Variants in NRXN3 observed in about 807,000 individuals in gnomAD.
The protein encoded by NRXN3 is neurexin 3.
NRXN3 carries 32 observed loss-of-function variants against 137.6 expected under a neutral mutation model. The ratio of observed to expected loss-of-function variants is 0.23; its 90% CI spans 0.18 to 0.31. NRXN3 has a LOEUF of 0.31. Among genes scored for constraint, NRXN3 ranks in the 10% least tolerant of loss-of-function variants. The pLI is 1.00. For missense variants in NRXN3, 1,574 were observed against 2,062.5 expected, an observed-to-expected ratio of 0.76 and a Z score of 4.59; for synonymous variants, 798 against 784.5, an observed-to-expected ratio of 1.02 and a Z score of -0.29.
At chr14:79,670,896 T>C (rs898240644) in intron 17 of NRXN3, among the ~76,000 whole-genome samples, 1 of 152,146 alleles carries the variant, frequency 6.6e-6, no homozygotes, top group Non-Finnish European at 1.5e-5. Flanking sequence ...AATAGGGGAC[T>C]AAGAGATTTT....
intron 6 of NRXN3, among the ~76,000 whole-genome samples, chr14:78,677,917 AT>A (rs200456057): frequency 4.6e-5 from 7 of 152,072 alleles, no homozygotes; most frequent in Admixed American, 6.6e-5. Context: ...GACTGTTAGC[AT>A]TTTTTTTAAC....
intron 10 of NRXN3, among the ~76,000 whole-genome samples, chr14:78,923,137 T>G (rs938662052): frequency 2.0e-5 from 3 of 152,194 alleles, no homozygotes; most frequent in Non-Finnish European, 4.4e-5. Context: ...CCTTTGGCCT[T>G]GAGTGCTGCC....
rs72347811 is a variant in NRXN3 at position 79,739,648 on chromosome 14, C to CAAAAAAAAAAAAAAAA, written c.4014+41725_4014+41740dup. ...TGGGTGACAGAACGAGACTCTGCCT[C>CAAAAAAAAAAAAAAAA]AAAAAAAAAAAAAAAAAAAAAAAAA... On this transcript the variant is annotated intron_variant, in intron 19 of 20. Transcript: ENST00000335750. Among the ~76,000 whole-genome samples the CAAAAAAAAAAAAAAAA allele has an allele frequency of 9.4e-5, 3 of 31,824 alleles. 1 individual carries two copies. The highest frequency in any genetic ancestry group is 1.6e-4 in the Non-Finnish European group (3 of 18,270). The allele number at this position is 31,824 out of a possible 152,430, so 20.9% of individuals were successfully genotyped here.
chr14:79,741,868 T>C (rs962375175), intron 19 of NRXN3, among the ~76,000 whole-genome samples: 1 of 152,108 alleles, frequency 6.6e-6, no homozygotes, highest in African/African-American at 2.4e-5. Context: ...TAGGTAAGTG[T>C]GCTTATATGT....
intron 20 of NRXN3, among the ~76,000 whole-genome samples, chr14:79,833,179 G>A (rs1230612967): frequency 1.3e-5 from 2 of 152,080 alleles, no homozygotes; most frequent in Non-Finnish European, 2.9e-5. Context: ...TGTACCTGAG[G>A]TTGGGTTCAT....
chr14:78,471,736 G>C (rs2095276747), intron 4 of NRXN3, among the ~76,000 whole-genome samples: 1 of 152,168 alleles, frequency 6.6e-6, no homozygotes, highest in Non-Finnish European at 1.5e-5. Context: ...AGGCATACTT[G>C]TATAATTCTG....
intron 4 of NRXN3, among the ~76,000 whole-genome samples, chr14:78,376,669 A>G (rs1224516838): frequency 6.6e-6 from 1 of 152,196 alleles, no homozygotes; most frequent in East Asian, 1.9e-4. Flanking sequence ...ACATCAATCT[A>G]CACAGGCAAA....
At chr14:78,265,684 G>C (rs2071572414) in intron 2 of NRXN3, among the ~76,000 whole-genome samples, 1 of 152,112 alleles carries the variant, frequency 6.6e-6, no homozygotes, top group African/African-American at 2.4e-5. Context: ...CCCCAGCAGA[G>C]GCACAGTGGG....
chr14:79,393,295 G>A (rs1489475754), intron 15 of NRXN3, among the ~76,000 whole-genome samples: 1 of 152,166 alleles, frequency 6.6e-6, no homozygotes, highest in Admixed American at 6.6e-5. Flanking sequence ...CAGAAATAAG[G>A]AGAAGGGCAA....
At chr14:78,228,087 A>AAATTTGG (rs1567019722) in intron 1 of NRXN3, among the ~76,000 whole-genome samples, 39 of 151,578 alleles carry the variant, frequency 2.6e-4, no homozygotes, top group African/African-American at 8.0e-4. Context: ...GAAGAATTTG[A>AAATTTGG]GACATTAATA....
chr14:78,195,215 AC>A (rs1365531845), intron 1 of NRXN3, among the ~76,000 whole-genome samples: 1 of 152,208 alleles, frequency 6.6e-6, no homozygotes, highest in Non-Finnish European at 1.5e-5. Context: ...GCCAGTATGA[AC>A]CAGGCACTGT....
chr14:78,444,544 A>G (rs1416417790), intron 4 of NRXN3, among the ~76,000 whole-genome samples: 1 of 152,186 alleles, frequency 6.6e-6, no homozygotes, highest in African/African-American at 2.4e-5. Context: ...GTTAAGATGG[A>G]ACCTGACTGG....
intron 15 of NRXN3, among the ~76,000 whole-genome samples, chr14:79,019,953 G>T (rs1594986330): frequency 6.6e-6 from 1 of 152,132 alleles, no homozygotes; most frequent in East Asian, 1.9e-4. Context: ...GAGAAAAAAA[G>T]AAAAGTTAAA....
Position 78,967,186 on chromosome 14 carries a change from T to C in NRXN3, c.2778-22T>C, listed in dbSNP as rs201109325. Reference sequence around the variant, plus strand: ...ACTTCGGGGATTTTCCAATTATTGTTTTTTTTTTTTTTTCTTCCTAGGTAT... The same window carrying C: ...ACTTCGGGGATTTTCCAATTATTGTCTTTTTTTTTTTTTCTTCCTAGGTAT... On this transcript the variant is annotated intron_variant, in intron 12 of 20. Transcript: ENST00000335750. The C allele has an allele frequency of 2.8e-3, 2,615 of 941,966 alleles. 3 individuals are homozygous for C. Among genetic ancestry groups the C allele is most frequent in the Admixed American group, 3.4e-3 (106 of 30,998 alleles). 58.4% of individuals were successfully genotyped at this position (941,966 alleles called of 1,614,324 possible). A position where few individuals can be genotyped will look rare whatever the true frequency, so the allele number is the denominator to read the frequency against.
intron 4 of NRXN3, among the ~76,000 whole-genome samples, chr14:78,376,180 G>A (rs1028405582): frequency 6.6e-6 from 1 of 152,148 alleles, no homozygotes; most frequent in African/African-American, 2.4e-5. Context: ...ATCATTGAAA[G>A]TTGCAAACTC....
chr14:79,471,478 C>T (rs949292909), intron 16 of NRXN3, among the ~76,000 whole-genome samples: 3 of 152,178 alleles, frequency 2.0e-5, no homozygotes, highest in Non-Finnish European at 4.4e-5. Flanking sequence ...CCTTTGTTAT[C>T]CTGAAATCCC....
chr14:79,434,360 A>T (rs2095810035), intron 15 of NRXN3, among the ~76,000 whole-genome samples: 1 of 152,200 alleles, frequency 6.6e-6, no homozygotes, highest in African/African-American at 2.4e-5. Flanking sequence ...ATCAAGCTGA[A>T]GTCAAAGAAG....
chr14:78,596,643 T>C (rs2097160009), intron 4 of NRXN3, among the ~76,000 whole-genome samples: 2 of 152,124 alleles, frequency 1.3e-5, no homozygotes, highest in African/African-American at 4.8e-5. Flanking sequence ...TAAAGAGCCA[T>C]AGAGAGAACT....
intron 17 of NRXN3, among the ~76,000 whole-genome samples, chr14:79,681,516 T>C (rs977861178): frequency 1.3e-5 from 2 of 152,030 alleles, no homozygotes; most frequent in South Asian, 4.1e-4. Flanking sequence ...TCTTTTCTCA[T>C]GGAAGTTCAC....
Sources: allele counts gnomAD v4.1 joint callset (sites outside exome capture counted in the v4.1 genomes callset), GRCh38; gene constraint gnomAD v4.1.1; transcripts MANE v1.5; gene names NCBI Gene and HGNC (gene_info 2026-07-23, HGNC 2026-07-21).